Variants in TMEM114 observed in about 807,000 individuals in gnomAD.
The protein encoded by TMEM114 is claudin-26.
Under a neutral mutation model 6.2 loss-of-function variants are expected in TMEM114, and 6 were observed. That is an observed-to-expected ratio of 0.97 (90% CI 0.53 to 1.91). TMEM114 has a LOEUF of 1.91. TMEM114 is among the 40% of genes most tolerant of loss of function. The probability of loss-of-function intolerance (pLI) is 0.01; values close to 1 mark genes in which losing one functional copy is unlikely to be tolerated. For synonymous variants in TMEM114, 104 were observed against 73.0 expected (o/e 1.42, Z -2.16); for missense variants, 218 against 158.3 (o/e 1.38, Z -2.02).
chr16:8,586,624 C>T (rs189270246), intron 2 of TMEM114, among the ~76,000 whole-genome samples: 38 of 152,088 alleles, frequency 2.5e-4, no homozygotes, highest in African/African-American at 8.4e-4. Flanking sequence ...ATTCTCATAA[C>T]TCAGCCTCCT....
chr16:8,564,115 A>AAGTGAATGAGTGAGTT (rs1338825184), intron 2 of TMEM114, among the ~76,000 whole-genome samples: 5 of 137,628 alleles, frequency 3.6e-5, no homozygotes, highest in African/African-American at 8.5e-5. Context: ...GGAAATAAGT[A>AAGTGAATGAGTGAGTT]AGTGAATGAG....
intron 2 of TMEM114, among the ~76,000 whole-genome samples, chr16:8,564,466 TGAGGGAGGGA>T: frequency 7.7e-6 from 1 of 129,200 alleles, no homozygotes; most frequent in Admixed American, 7.7e-5. Flanking sequence ...AGTAAATGAG[TGAGGGAGGGA>T]CGGAGGGAAT....
At chr16:8,561,880 A>ACGAG (rs1901223784) in intron 2 of TMEM114, among the ~76,000 whole-genome samples, 2 of 139,492 alleles carry the variant, frequency 1.4e-5, no homozygotes, top group Admixed American at 1.4e-4. Context: ...GAGTGAGTGA[A>ACGAG]TGAGTGAGTG....
chr16:8,527,720 G>A, the TMEM114 span, among the ~76,000 whole-genome samples: 1 of 152,144 alleles, frequency 6.6e-6, no homozygotes, highest in African/African-American at 2.4e-5. Context: ...GGGAGGTTTA[G>A]TAACTTGTCC....
chr16:8,554,700 G>T (rs78381264), intron 2 of TMEM114, among the ~76,000 whole-genome samples: 4,123 of 152,238 alleles, frequency 0.027, 189 homozygotes, highest in African/African-American at 0.095. Flanking sequence ...TCCTGGAAAT[G>T]AGTCAAATAA....
At chr16:8,587,746 G>A (rs1902359819) in intron 2 of TMEM114, among the ~76,000 whole-genome samples, 1 of 152,210 alleles carries the variant, frequency 6.6e-6, no homozygotes, top group Non-Finnish European at 1.5e-5. Context: ...GAGAGACTAA[G>A]GCAGGAAGAT....
chr16:8,535,017 C>T (rs772842128), downstream of TMEM114, among the ~76,000 whole-genome samples: 18 of 152,130 alleles, frequency 1.2e-4, no homozygotes, highest in Non-Finnish European at 1.8e-4. Context: ...CGTCAAGACT[C>T]GCTTTGGAAC....
intron 2 of TMEM114, among the ~76,000 whole-genome samples, chr16:8,550,345 C>T (rs1234871753): frequency 1.3e-5 from 2 of 152,226 alleles, no homozygotes; most frequent in Non-Finnish European, 2.9e-5. Context: ...TTAACCATCA[C>T]AGTACCCTAG....
chr16:8,527,839 G>A, the TMEM114 span, among the ~76,000 whole-genome samples: 2 of 152,126 alleles, frequency 1.3e-5, no homozygotes, highest in Non-Finnish European at 2.9e-5. Context: ...TGAGCTATTT[G>A]CAAGTTATTA....
chr16:8,583,258 G>T (rs1399045009), intron 2 of TMEM114, among the ~76,000 whole-genome samples: 3 of 152,212 alleles, frequency 2.0e-5, no homozygotes, highest in Non-Finnish European at 4.4e-5. Flanking sequence ...AGTGCATCTG[G>T]TGGGTCTGCG....
the TMEM114 span, among the ~76,000 whole-genome samples, chr16:8,527,738 C>G: frequency 6.6e-6 from 1 of 152,238 alleles, no homozygotes; most frequent in Non-Finnish European, 1.5e-5. Flanking sequence ...TCCAAAGCCA[C>G]AAGCTGCAAA....
chr16:8,535,104 T>C (rs1379542748), downstream of TMEM114, among the ~76,000 whole-genome samples: 3 of 152,090 alleles, frequency 2.0e-5, no homozygotes, highest in African/African-American at 7.2e-5. Flanking sequence ...ACCATCTGAG[T>C]GTCCTCTGTG....
chr16:8,567,344 T>C (rs1596483125), downstream of TMEM114, among the ~76,000 whole-genome samples: 1 of 152,208 alleles, frequency 6.6e-6, no homozygotes, highest in Non-Finnish European at 1.5e-5. Context: ...CCCCCATGAA[T>C]GTGTCCCCAG....
chr16:8,580,676 C>G (rs889011277), intron 2 of TMEM114, among the ~76,000 whole-genome samples: 2 of 151,928 alleles, frequency 1.3e-5, no homozygotes, highest in African/African-American at 4.8e-5. Context: ...CTACAATGCA[C>G]ACTTGATTAT....
intron 2 of TMEM114, among the ~76,000 whole-genome samples, chr16:8,585,947 C>CTGAGGG (rs1902305695): frequency 6.6e-6 from 1 of 152,176 alleles, no homozygotes; most frequent in South Asian, 2.1e-4. Flanking sequence ...AGCCCTAGGA[C>CTGAGGG]TGAGGGTGAA....
At chr16:8,530,796 G>T in the TMEM114 span, among the ~76,000 whole-genome samples, 5 of 152,134 alleles carry the variant, frequency 3.3e-5, no homozygotes, top group African/African-American at 1.2e-4. Flanking sequence ...GGCCGAGTCA[G>T]ATGAATTGCT....
At chr16:8,537,761 T>G (rs899154971) in exon 3 of TMEM114, 1 of 152,146 alleles carries the variant, frequency 6.6e-6, no homozygotes, top group Non-Finnish European at 1.5e-5. Context: ...CCTGCAGAAG[T>G]TTTCCATTCT....
chr16:8,527,404 G>C, the TMEM114 span, among the ~76,000 whole-genome samples: 2 of 152,128 alleles, frequency 1.3e-5, no homozygotes, highest in African/African-American at 4.8e-5. Flanking sequence ...TGTGTGCTTT[G>C]AGGCTCACTG....
chr16:8,549,151 C>T lies in TMEM114; in HGVS notation n.213-11325G>A, dbSNP rs146713006. On this transcript the variant is annotated intron_variant and non_coding_transcript_variant, in intron 2 of 2. Coordinates refer to the TMEM114 transcript ENST00000623677. ...GAGCCGAGATCGTACCACTGCACTG[C>T]AGCCTGGGCAACAGAACGAGACTCC... 3.3e-3 allele frequency among the ~76,000 whole-genome samples: 438 copies of T among 133,154 alleles called. 1 individual carries two copies. Among genetic ancestry groups the T allele is most frequent in the African/African-American group, 0.012 (408 of 33,844 alleles). The allele number at this position is 133,154 out of a possible 152,430, so 87.4% of individuals were successfully genotyped here.
Sources: allele counts gnomAD v4.1 joint callset (sites outside exome capture counted in the v4.1 genomes callset), GRCh38; gene constraint gnomAD v4.1.1; transcripts MANE v1.5; gene names NCBI Gene and HGNC (gene_info 2026-07-23, HGNC 2026-07-21).